Variants in SALL3 observed in about 807,000 individuals in gnomAD.
SALL3 encodes the protein spalt like transcription factor 3.
Under a neutral mutation model 66.2 loss-of-function variants are expected in SALL3, and 25 were observed. The observed-to-expected ratio is 0.38, with a 90% CI of 0.28 to 0.53. The LOEUF is 0.53. Ranked by LOEUF, SALL3 falls within the 20% of genes least tolerant of loss-of-function variation. SALL3 has a pLI of 0.85. For missense variants in SALL3, 2,194 were observed against 1,916.5 expected (o/e 1.14, Z -2.70); for synonymous variants, 1,152 against 899.1 (o/e 1.28, Z -5.03).
rs1046268460 is a variant in SALL3 at position 78,993,790 on chromosome 18, G to A, written c.1799G>A (p.Ser600Asn). Residue 600 changes from serine to asparagine, a missense_variant, in exon 2 of 3, where the codon AGC (serine) becomes AAC (asparagine). Transcript: ENST00000537592. ...GPPLTKAEPV[S>N]LPCTNARAGD... ...CCCCTCACTAAAGCCGAGCCCGTCA[G>A]CCTGCCCTGCACCAACGCCAGGGCC... is the stretch of plus-strand genomic sequence containing the variant. The A allele has an allele frequency of 8.4e-6, 13 of 1,552,788 alleles. No individual in the cohort carries two copies. The highest frequency in any genetic ancestry group is 1.1e-5 in the Non-Finnish European group (13 of 1,156,544).
At chr18:78,990,769 T>G (rs1452348584) in intron 1 of SALL3, among the ~76,000 whole-genome samples, 2 of 152,214 alleles carry the variant, frequency 1.3e-5, no homozygotes, top group Non-Finnish European at 2.9e-5. Flanking sequence ...CATCACTCCA[T>G]CTGTAAGTTG....
intron 1 of SALL3, among the ~76,000 whole-genome samples, chr18:78,980,816 C>T (rs1832802019): frequency 6.6e-6 from 1 of 152,110 alleles, no homozygotes; most frequent in African/African-American, 2.4e-5. Flanking sequence ...CGGGGGCCCG[C>T]GGCCCCTCCC....
rs1212122641 is a variant in SALL3 at position 78,994,383 on chromosome 18, G to A, written c.2392G>A (p.Asp798Asn). The change falls in exon 2 of 3, where the codon GAC (aspartate) becomes AAC (asparagine). Residue 798 changes from aspartate (D) to asparagine (N), a missense_variant. Transcript: ENST00000537592. Reference sequence around the variant, plus strand: ...CGCGGAGACCCTGAGCAGCTACGATGACGACATGGACGAGAACTCCATGGA... The same window carrying A: ...CGCGGAGACCCTGAGCAGCTACGATAACGACATGGACGAGAACTCCATGGA... ...KNAETLSSYD[D>N]DMDENSMEDD... The A allele has an allele frequency of 1.9e-6, 3 of 1,613,310 alleles. No individual in the cohort carries two copies. The highest frequency in any genetic ancestry group is 2.5e-6 in the Non-Finnish European group (3 of 1,180,004).
At chr18:78,986,771 T>G (rs1279643011) in intron 1 of SALL3, among the ~76,000 whole-genome samples, 1 of 152,218 alleles carries the variant, frequency 6.6e-6, no homozygotes, top group Non-Finnish European at 1.5e-5. Flanking sequence ...TCTTGTTCAT[T>G]GTAATGAGTA....
rs1913945463 is a variant in SALL3 at position 78,980,061 on chromosome 18, G to T, written c.-214G>T. 1.4e-5 allele frequency among the ~76,000 whole-genome samples: 2 copies of T among 145,916 alleles called. No homozygotes were observed. Among genetic ancestry groups the T allele is most frequent in the Admixed American group, 1.4e-4 (2 of 14,762 alleles). ...GAGCGCGGCCTCATTTGCATAGGCC[G>T]CCGGAGTCCGCTGGAGCCCGGCCAA... On this transcript the variant is annotated 5_prime_UTR_variant, in exon 1 of 3. Coordinates refer to ENST00000537592, the MANE Select transcript of SALL3 (RefSeq NM_171999.4).
chr18:78,990,608 T>G (rs953172628), intron 1 of SALL3, among the ~76,000 whole-genome samples: 1 of 152,236 alleles, frequency 6.6e-6, no homozygotes, highest in Admixed American at 6.5e-5. Context: ...TGTGGAGCTT[T>G]TTAGCAAATG....
chr18:78,989,917 A>G (rs572678511), intron 1 of SALL3, among the ~76,000 whole-genome samples: 4 of 152,358 alleles, frequency 2.6e-5, no homozygotes, highest in East Asian at 3.9e-4. Context: ...GTTTTTAAAC[A>G]TTCAGGGCTG....
In SALL3 at chr18:78,992,636, G is replaced by T; in HGVS notation, c.645G>T (p.Gln215His). 1.9e-6 allele frequency: 3 copies of T among 1,550,738 alleles called. No homozygotes were observed. Among genetic ancestry groups the T allele is most frequent in the Non-Finnish European group, 2.6e-6 (3 of 1,154,892 alleles). ...ILEQLMALQQ[Q>H]QIHQLQLIEQ... ...AACAGCTCATGGCCCTGCAGCAGCA[G>T]CAGATCCACCAGCTGCAGCTCATCG... Residue 215 changes from glutamine (Q) to histidine (H), a missense_variant, in exon 2 of 3, where the codon CAG (glutamine) becomes CAT (histidine). Transcript: ENST00000537592.
intron 1 of SALL3, among the ~76,000 whole-genome samples, chr18:78,980,605 C>G (rs1424283616): frequency 4.6e-5 from 7 of 151,800 alleles, no homozygotes. Flanking sequence ...GGGAGCTGCC[C>G]GCGAAGGGCG....
intron 1 of SALL3, 58 bp downstream of exon 1, chr18:78,980,414 G>A: frequency 8.9e-7 from 1 of 1,119,128 alleles, no homozygotes; most frequent in Non-Finnish European, 1.1e-6. Context: ...CCGGGCTGGG[G>A]AAGCGCGTGC....
At chr18:78,982,349 C>T (rs1914099674) in intron 1 of SALL3, among the ~76,000 whole-genome samples, 1 of 152,240 alleles carries the variant, frequency 6.6e-6, no homozygotes, top group Non-Finnish European at 1.5e-5. Context: ...GTGTTTTTCA[C>T]AGCATCCAGA....
In SALL3 at chr18:78,994,870, C is replaced by A. The variant is rs759328588; in HGVS notation, c.2879C>A (p.Ala960Glu). 3.7e-6 allele frequency: 6 copies of A among 1,606,746 alleles called. No homozygotes were observed. Among genetic ancestry groups the A allele is most frequent in the Non-Finnish European group, 5.1e-6 (6 of 1,176,898 alleles). Residue 960 changes from alanine to glutamate, a missense_variant, in exon 2 of 3, where the codon GCG (alanine) becomes GAG (glutamate). By Grantham distance (107) the Ala-to-Glu change is moderately radical. Transcript: ENST00000537592. ...GGCCGCGCGGGCATCAAGGAGGAGG[C>A]GCCCTTCAGCCTGCTGTTCCTGAGC... ...APGRAGIKEE[A>E]PFSLLFLSRE...
Position 78,994,313 on chromosome 18 carries a change from C to T in SALL3, c.2322C>T (p.Gly774=), listed in dbSNP as rs1914596104. ...GQIPNTPLPE[G]FQDAMDSELA... is the part of the protein sequence containing the mutation. Reference sequence around the variant, plus strand: ...TCCCCAACACGCCGCTGCCGGAGGGCTTCCAGGATGCCATGGACTCCGAGC... The same window carrying T: ...TCCCCAACACGCCGCTGCCGGAGGGTTTCCAGGATGCCATGGACTCCGAGC... Residue 774 remains glycine (G), a synonymous_variant, in exon 2 of 3, where the codon GGC becomes GGT. Transcript: ENST00000537592. The T allele has an allele frequency of 1.2e-6, 2 of 1,613,684 alleles. No individual in the cohort carries two copies. Among genetic ancestry groups the T allele is most frequent in the Non-Finnish European group, 1.7e-6 (2 of 1,180,024 alleles).
Position 78,997,159 on chromosome 18 carries a change from G to A in SALL3, c.3740G>A (p.Gly1247Asp), listed in dbSNP as rs1037802816. Residue 1247 changes from glycine (G) to aspartate (D), a missense_variant, in exon 3 of 3, where the codon GGC (glycine) becomes GAC (aspartate). Coordinates refer to ENST00000537592, the MANE Select transcript of SALL3 (RefSeq NM_171999.4). ...CCCCAGCTCCCCGTGAGTCTTGGGG[G>A]CAGCGCCCTCCCCCCTCTGGGCAGC... ...GIPQLPVSLG[G>D]SALPPLGSMA... The A allele has an allele frequency of 6.2e-7, 1 of 1,613,884 alleles. No homozygotes were observed. The highest frequency in any genetic ancestry group is 1.3e-5 in the African/African-American group (1 of 74,920).
intron 1 of SALL3, among the ~76,000 whole-genome samples, chr18:78,981,658 T>TA (rs1247859318): frequency 1.3e-5 from 2 of 152,224 alleles, no homozygotes; most frequent in Non-Finnish European, 2.9e-5. Context: ...AAGGGAGTCT[T>TA]ATCTGTGTAG....
At chr18:78,995,504 G>T (rs778267975) in intron 2 of SALL3, 42 bp downstream of exon 2, 17 of 1,499,602 alleles carry the variant, frequency 1.1e-5, no homozygotes, top group Non-Finnish European at 1.4e-5. Flanking sequence ...CGGTGCGGCC[G>T]AGCCACGGTG....
chr18:78,993,505 C>T lies in SALL3; in HGVS notation c.1514C>T (p.Pro505Leu). 1 of 1,603,684 alleles carries T rather than the reference C, an allele frequency of 6.2e-7. No homozygotes were observed. The highest frequency in any genetic ancestry group is 1.3e-5 in the African/African-American group (1 of 74,614). Reference protein sequence around the residue: ...SGIPYGMSLPPEKPVTTWLDS... With the variant: ...SGIPYGMSLPLEKPVTTWLDS... ...ATCCCCTACGGCATGTCGCTGCCCC[C>T]CGAGAAGCCCGTGACCACCTGGCTG... Residue 505 changes from proline to leucine, a missense_variant, in exon 2 of 3, where the codon CCC becomes CTC. Coordinates refer to ENST00000537592, the MANE Select transcript of SALL3 (RefSeq NM_171999.4).
rs2146216701 is a variant in SALL3 at position 78,993,527 on chromosome 18, G to C, written c.1536G>C (p.Trp512Cys). The change falls in exon 2 of 3, where the codon TGG becomes TGC. Residue 512 changes from tryptophan (W) to cysteine (C), a missense_variant. Transcript: ENST00000537592. ...SLPPEKPVTT[W>C]LDSKPVLPTV... ...CCCCCGAGAAGCCCGTGACCACCTG[G>C]CTGGACAGCAAGCCCGTGCTGCCCA... is the stretch of plus-strand genomic sequence containing the variant. The C allele has an allele frequency of 1.9e-6, 3 of 1,598,358 alleles. No individual in the cohort carries two copies. The highest frequency in any genetic ancestry group is 1.7e-5 in the Admixed American group (1 of 57,692).
Position 78,997,435 on chromosome 18 carries a change from C to G in SALL3, c.*113C>G, listed in dbSNP as rs902401754. 23 of 1,072,036 alleles carry G rather than the reference C, an allele frequency of 2.1e-5. No individual in the cohort carries two copies. The highest frequency in any genetic ancestry group is 3.2e-5 in the African/African-American group (2 of 63,212). 66.4% of individuals were successfully genotyped at this position (1,072,036 alleles called of 1,614,324 possible). ...ACACTTTCACCCATAGCAGAAAACACTTTGTGCGGCTGCCGAGAGGTGGTC... is the reference window on the plus strand; with the variant it reads ...ACACTTTCACCCATAGCAGAAAACAGTTTGTGCGGCTGCCGAGAGGTGGTC... On this transcript the variant is annotated 3_prime_UTR_variant, in exon 3 of 3. Transcript: ENST00000537592.
Sources: gnomAD v4.1 joint callset for allele counts (sites outside exome capture counted in the v4.1 genomes callset) on GRCh38, gnomAD v4.1.1 for gene constraint, MANE v1.5 for transcripts, NCBI Gene and HGNC (gene_info 2026-07-23, HGNC 2026-07-21) for gene names.